LDB2: variants seen among roughly 807,000 people sequenced by gnomAD.
The protein encoded by LDB2 is LIM domain binding 2.
A neutral mutation model predicts 44.3 loss-of-function variants in LDB2; 12 were observed. The observed-to-expected ratio is 0.27, with a 90% CI of 0.17 to 0.44. The LOEUF is 0.44. Ranked by LOEUF, LDB2 falls within the 20% of genes least tolerant of loss-of-function variation. The pLI, the probability that LDB2 is intolerant of heterozygous loss-of-function variation, is 1.00. For missense variants in LDB2, 344 were observed against 473.5 expected (o/e 0.73, Z 2.54); for synonymous variants, 164 against 174.8 (o/e 0.94, Z 0.49).
intron 1 of LDB2, among the ~76,000 whole-genome samples, chr4:16,895,420 GA>G (rs1163153401): frequency 1.3e-5 from 2 of 152,044 alleles, no homozygotes; most frequent in African/African-American, 4.8e-5. Context: ...AGGTTTCTAG[GA>G]AATTTCCAGA....
intron 1 of LDB2, among the ~76,000 whole-genome samples, chr4:16,766,150 G>T (rs1769154047): frequency 6.6e-6 from 1 of 152,032 alleles, no homozygotes; most frequent in African/African-American, 2.4e-5. Context: ...ATCCTACTCT[G>T]TTTTTCTCTC....
chr4:16,511,737 C>T (rs1721831137), intron 6 of LDB2, among the ~76,000 whole-genome samples: 4 of 152,164 alleles, frequency 2.6e-5, no homozygotes, highest in South Asian at 4.1e-4. Context: ...ACCTTGAACA[C>T]GTTATTTTAC....
rs1218763626 is a variant in LDB2, at chr4:16,766,468, ATGTG to A, written c.133-7212_133-7209del. ...TGTGTATATATATACACACACATAT[ATGTG>A]TGTGTGTGTGTGTGTGTGTGTGTGT... On this transcript the variant is annotated intron_variant, in intron 1 of 7. Coordinates refer to ENST00000304523, the MANE Select transcript of LDB2 (RefSeq NM_001290.5). 7.7e-3 allele frequency among the ~76,000 whole-genome samples: 320 copies of A among 41,314 alleles called. 2 individuals are homozygous for A. Among genetic ancestry groups the A allele is most frequent in the East Asian group, 0.019 (35 of 1,844 alleles). 27.1% of individuals were successfully genotyped at this position (41,314 alleles called of 152,430 possible).
rs559628508 is a variant in LDB2 at position 16,608,947 on chromosome 4, G to A, written c.236-13072C>T. On this transcript the variant is annotated intron_variant, in intron 2 of 7. Coordinates refer to ENST00000304523, the MANE Select transcript of LDB2 (RefSeq NM_001290.5). ...TATTAAAAACTAATAAGAAGGTCTG[G>A]GGGGCGGGGCCAAGACGGCCGACTG... is the stretch of plus-strand genomic sequence containing the variant. 5.3e-5 allele frequency among the ~76,000 whole-genome samples: 8 copies of A among 152,286 alleles called. No homozygotes were observed. In the East Asian group the frequency reaches 1.5e-3, roughly 29 times the overall value.
At chr4:16,607,891 G>A (rs1249364502) in intron 2 of LDB2, among the ~76,000 whole-genome samples, 3 of 152,084 alleles carry the variant, frequency 2.0e-5, no homozygotes, top group Admixed American at 1.3e-4. Context: ...TTATGCATAC[G>A]CACGGGTTTC....
intron 2 of LDB2, among the ~76,000 whole-genome samples, chr4:16,686,226 C>T (rs754628746): frequency 2.0e-4 from 30 of 152,184 alleles, no homozygotes; most frequent in Non-Finnish European, 4.1e-4. Context: ...TTCTCCCTTC[C>T]GTGTGACTAT....
At chr4:16,884,231 G>A (rs866862772) in intron 1 of LDB2, among the ~76,000 whole-genome samples, 1 of 152,180 alleles carries the variant, frequency 6.6e-6, no homozygotes, top group Non-Finnish European at 1.5e-5. Context: ...ACCAGGTGTT[G>A]GTCTGAGGGC....
chr4:16,705,781 A>G (rs1754474289), intron 2 of LDB2, among the ~76,000 whole-genome samples: 1 of 152,068 alleles, frequency 6.6e-6, no homozygotes, highest in African/African-American at 2.4e-5. Flanking sequence ...TATTTTCCCC[A>G]CTTCCTAGGA....
In LDB2 at chr4:16,502,808, T is replaced by TA; in HGVS notation, c.956dup (p.Ile320AsnfsTer3). ...ATTGCGTGTTTTCTAATCTAGTGATTAGCCTTTCGTCCTCGTCCCCAAACT... is the reference window on the plus strand; with the variant it reads ...ATTGCGTGTTTTCTAATCTAGTGATTAAGCCTTTCGTCCTCGTCCCCAAACT... On this transcript the variant is annotated frameshift_variant, in exon 8 of 8. Coordinates refer to ENST00000304523, the MANE Select transcript of LDB2 (RefSeq NM_001290.5). LOFTEE classifies it high-confidence loss of function. The TA allele has an allele frequency of 6.2e-7, 1 of 1,614,136 alleles. No individual in the cohort carries two copies.
At chr4:16,558,262 G>A (rs897618628) in intron 5 of LDB2, among the ~76,000 whole-genome samples, 37 of 152,102 alleles carry the variant, frequency 2.4e-4, no homozygotes, top group African/African-American at 8.4e-4. Context: ...AAACTACTAC[G>A]AGCTACAGGA....
rs767505591 is a variant in LDB2, at chr4:16,502,899, C to T, written c.892-26G>A. ...CTGTGAACAGCAGCTGACATTATTA[C>T]AGGGAAACCTTGGGAGAGAGAAGCT... On this transcript the variant is annotated intron_variant, in intron 7 of 7. Coordinates refer to ENST00000304523, the MANE Select transcript of LDB2 (RefSeq NM_001290.5). 6 of 1,611,680 alleles carry T rather than the reference C, an allele frequency of 3.7e-6. No homozygotes were observed. In the East Asian group the frequency reaches 1.1e-4, roughly 30 times the overall value.
At chr4:16,797,910 C>T (rs1777051997) in intron 1 of LDB2, among the ~76,000 whole-genome samples, 1 of 151,890 alleles carries the variant, frequency 6.6e-6, no homozygotes, top group Admixed American at 6.6e-5. Context: ...TGACATCCAC[C>T]TGTAGCCCCA....
intron 2 of LDB2, among the ~76,000 whole-genome samples, chr4:16,750,390 A>G (rs1765266961): frequency 6.6e-6 from 1 of 152,214 alleles, no homozygotes; most frequent in Non-Finnish European, 1.5e-5. Flanking sequence ...GATGCCTGGC[A>G]CAGTCAACGG....
At chr4:16,791,061 T>C (rs1413285698) in intron 1 of LDB2, among the ~76,000 whole-genome samples, 1 of 152,188 alleles carries the variant, frequency 6.6e-6, no homozygotes, top group Non-Finnish European at 1.5e-5. Context: ...CTTGTCATTA[T>C]CAACTACCAG....
chr4:16,511,511 T>G (rs1721733302), intron 6 of LDB2, among the ~76,000 whole-genome samples: 1 of 152,202 alleles, frequency 6.6e-6, no homozygotes, highest in Non-Finnish European at 1.5e-5. Flanking sequence ...TGTTCCTTTC[T>G]TCCTTCCTTC....
chr4:16,773,817 C>G (rs2109367903), intron 1 of LDB2, among the ~76,000 whole-genome samples: 1 of 152,028 alleles, frequency 6.6e-6, no homozygotes. Flanking sequence ...TCTCTACAGC[C>G]TCGAACTCCT....
intron 1 of LDB2, among the ~76,000 whole-genome samples, chr4:16,850,388 T>C (rs1292777406): frequency 6.6e-6 from 1 of 152,202 alleles, no homozygotes; most frequent in African/African-American, 2.4e-5. Flanking sequence ...AATTTGATGG[T>C]TATATCTACA....
chr4:16,733,995 A>C (rs545082113), intron 2 of LDB2, among the ~76,000 whole-genome samples: 1 of 152,214 alleles, frequency 6.6e-6, no homozygotes, highest in African/African-American at 2.4e-5. Flanking sequence ...GCAGCCTGAC[A>C]TAGGGAAAAG....
chr4:16,817,070 T>C (rs1396454951), intron 1 of LDB2, among the ~76,000 whole-genome samples: 1 of 151,976 alleles, frequency 6.6e-6, no homozygotes, highest in East Asian at 1.9e-4. Flanking sequence ...TGTGAAGGAG[T>C]TGCTAGAAGT....
Sources: allele counts gnomAD v4.1 joint callset (sites outside exome capture counted in the v4.1 genomes callset), GRCh38; gene constraint gnomAD v4.1.1; transcripts MANE v1.5; gene names NCBI Gene and HGNC (gene_info 2026-07-23, HGNC 2026-07-21).